Variants in PDZRN3 observed in about 807,000 individuals in gnomAD.
PDZRN3 encodes PDZ domain containing ring finger 3.
In PDZRN3, 38 loss-of-function variants were observed where a neutral mutation model predicts 85.7. The observed-to-expected ratio is 0.44, with a 90% CI of 0.34 to 0.58. The LOEUF is 0.58. Ranked by LOEUF, PDZRN3 falls within the 20% of genes least tolerant of loss-of-function variation. The pLI is 0.01. For missense variants in PDZRN3, 1,629 were observed against 1,506.4 expected, an observed-to-expected ratio of 1.08 and a Z score of -1.35; for synonymous variants, 759 against 638.0, an observed-to-expected ratio of 1.19 and a Z score of -2.86.
In PDZRN3 at chr3:73,384,897, T is replaced by C. The variant is rs1559647657; in HGVS notation, c.1669A>G (p.Thr557Ala). Residue 557 changes from threonine to alanine, a missense_variant, in exon 10 of 10, where the codon ACA (threonine) becomes GCA (alanine). By Grantham distance (58) the Thr-to-Ala change is moderately conservative. Transcript: ENST00000263666. ...TGCTGGTTGGACAAGATGGTGGCTG[T>C]ATCTGTGGTCCCACCGTCTTCGTCG... Reference protein sequence around the residue: ...KHDEDGGTTDTATILSNQHEK... With the variant: ...KHDEDGGTTDAATILSNQHEK... 4 of 1,611,116 alleles carry C rather than the reference T, an allele frequency of 2.5e-6. No individual in the cohort carries two copies. The highest frequency in any genetic ancestry group is 2.2e-5 in the East Asian group (1 of 44,806).
intron 3 of PDZRN3, among the ~76,000 whole-genome samples, chr3:73,442,746 T>G (rs1702666377): frequency 6.6e-6 from 1 of 151,586 alleles, no homozygotes; most frequent in Admixed American, 6.6e-5. Flanking sequence ...GTGGCACATA[T>G]GACCTTGCAT....
chr3:73,391,735 G>A (rs186366241), intron 5 of PDZRN3, among the ~76,000 whole-genome samples: 2 of 152,262 alleles, frequency 1.3e-5, no homozygotes, highest in Admixed American at 1.3e-4. Flanking sequence ...TATTGTATTT[G>A]CCAGTTAGTC....
intron 3 of PDZRN3, among the ~76,000 whole-genome samples, chr3:73,546,854 C>T (rs979879114): frequency 7.2e-5 from 11 of 152,120 alleles, no homozygotes; most frequent in Non-Finnish European, 1.6e-4. Context: ...TGTAAGTGAG[C>T]GGATGATTTT....
chr3:73,501,013 T>C (rs1703967605), intron 3 of PDZRN3, among the ~76,000 whole-genome samples: 1 of 152,118 alleles, frequency 6.6e-6, no homozygotes, highest in East Asian at 1.9e-4. Flanking sequence ...TGGTGTCGTA[T>C]ATTCCTTGTT....
intron 3 of PDZRN3, among the ~76,000 whole-genome samples, chr3:73,431,549 T>C (rs1559676294): frequency 6.6e-6 from 1 of 152,234 alleles, no homozygotes; most frequent in Non-Finnish European, 1.5e-5. Flanking sequence ...AGAGCGAGAA[T>C]GCAATTATTA....
At chr3:73,492,134 C>T (rs207463207) in intron 3 of PDZRN3, among the ~76,000 whole-genome samples, 1 of 152,350 alleles carries the variant, frequency 6.6e-6, no homozygotes, top group Non-Finnish European at 1.5e-5. Flanking sequence ...TGTAGAATCC[C>T]TTTCCTGAGC....
intron 3 of PDZRN3, among the ~76,000 whole-genome samples, chr3:73,493,562 C>A (rs141318507): frequency 0.015 from 2,316 of 152,170 alleles, 23 homozygotes; most frequent in Non-Finnish European, 0.023. Flanking sequence ...GACTCAAATC[C>A]CTGGTATCCC....
chr3:73,390,013 TAG>T, intron 6 of PDZRN3, 135 bp from the exon 7 acceptor site: 1 of 710,466 alleles, frequency 1.4e-6, no homozygotes. Flanking sequence ...AAACAAGACT[TAG>T]TGTCGTGCAA....
chr3:73,576,185 A>G (rs1187978134), intron 3 of PDZRN3, among the ~76,000 whole-genome samples: 2 of 152,146 alleles, frequency 1.3e-5, no homozygotes, highest in Admixed American at 1.3e-4. Context: ...TTTACCCTCC[A>G]CTACCCCAAA....
intron 3 of PDZRN3, among the ~76,000 whole-genome samples, chr3:73,500,038 T>A (rs1373223055): frequency 6.6e-6 from 1 of 152,160 alleles, no homozygotes; most frequent in African/African-American, 2.4e-5. Flanking sequence ...GAATGGGGGT[T>A]ACAAAGAAAG....
chr3:73,584,430 G>GTTAAGTGGT (rs1416999939), intron 3 of PDZRN3, among the ~76,000 whole-genome samples: 1 of 15,720 alleles, frequency 6.4e-5, no homozygotes, highest in Non-Finnish European at 2.3e-4. Flanking sequence ...TCCAGCACAA[G>GTTAAGTGGT]TTAAGTGGTG....
At chr3:73,483,031 CG>C (rs889840740) in intron 3 of PDZRN3, among the ~76,000 whole-genome samples, 3 of 152,172 alleles carry the variant, frequency 2.0e-5, no homozygotes, top group Admixed American at 6.5e-5. Context: ...AGAACAAACA[CG>C]CATGCCTTGC....
chr3:73,605,685 T>C (rs1575760874), intron 2 of PDZRN3, among the ~76,000 whole-genome samples: 1 of 152,252 alleles, frequency 6.6e-6, no homozygotes, highest in African/African-American at 2.4e-5. Flanking sequence ...CTTGGCTTTT[T>C]AGCATGTACT....
intron 3 of PDZRN3, among the ~76,000 whole-genome samples, chr3:73,563,885 G>C (rs1701889914): frequency 6.6e-6 from 1 of 152,230 alleles, no homozygotes; most frequent in Admixed American, 6.5e-5. Flanking sequence ...GCAGAGGTAG[G>C]ACTTGAGGCA....
At chr3:73,453,413 A>AC (rs1702910084) in intron 3 of PDZRN3, among the ~76,000 whole-genome samples, 2 of 136,162 alleles carry the variant, frequency 1.5e-5, no homozygotes, top group African/African-American at 5.3e-5. Context: ...TCAAAAAAAA[A>AC]AAAAAAAAAA....
At chr3:73,401,335 C>G (rs188538828) in intron 4 of PDZRN3, among the ~76,000 whole-genome samples, 239 of 152,250 alleles carry the variant, frequency 1.6e-3, no homozygotes, top group Non-Finnish European at 2.6e-3. Context: ...ACGCAGGAAA[C>G]AGGACAATAT....
chr3:73,538,204 T>G (rs1456239516), intron 3 of PDZRN3, among the ~76,000 whole-genome samples: 1 of 152,154 alleles, frequency 6.6e-6, no homozygotes, highest in Non-Finnish European at 1.5e-5. Flanking sequence ...CTTCTAGGAG[T>G]CTTGCATCTG....
At chr3:73,460,519 G>C (rs183956620) in intron 3 of PDZRN3, among the ~76,000 whole-genome samples, 40 of 152,248 alleles carry the variant, frequency 2.6e-4, no homozygotes, top group Admixed American at 2.6e-3. Flanking sequence ...GGAAACGACA[G>C]GCTTCTTACA....
intron 3 of PDZRN3, among the ~76,000 whole-genome samples, chr3:73,532,849 G>A (rs1056567800): frequency 1.3e-5 from 2 of 152,212 alleles, no homozygotes; most frequent in African/African-American, 2.4e-5. Context: ...GGTAATGTAA[G>A]AAGCGAGAAA....
Sources: gnomAD v4.1 joint callset for allele counts (sites outside exome capture counted in the v4.1 genomes callset) on GRCh38, gnomAD v4.1.1 for gene constraint, MANE v1.5 for transcripts, NCBI Gene and HGNC (gene_info 2026-07-23, HGNC 2026-07-21) for gene names.